Variants in CAMK1D observed in about 807,000 individuals in gnomAD.
CAMK1D encodes the protein calcium/calmodulin dependent protein kinase ID, also known as calcium/calmodulin-dependent protein kinase type 1D.
Under a neutral mutation model 47.7 loss-of-function variants are expected in CAMK1D, and 9 were observed. The observed-to-expected ratio is 0.19, with a 90% CI of 0.11 to 0.33. The LOEUF (loss-of-function observed/expected upper bound fraction) is 0.33. Among genes scored for constraint, CAMK1D ranks in the 10% least tolerant of loss-of-function variants. The pLI is 1.00. For synonymous variants in CAMK1D, 184 were observed against 184.9 expected (o/e 0.99, Z 0.04); for missense variants, 291 against 488.7 (o/e 0.60, Z 3.81).
At chr10:12,560,207 G>T (rs79198238) in intron 2 of CAMK1D, among the ~76,000 whole-genome samples, 1 of 152,060 alleles carries the variant, frequency 6.6e-6, no homozygotes, top group African/African-American at 2.4e-5. Flanking sequence ...TTAAACCACT[G>T]CCAAGTGCCA....
At chr10:12,379,907 G>C (rs991747582) in intron 1 of CAMK1D, among the ~76,000 whole-genome samples, 8 of 151,898 alleles carry the variant, frequency 5.3e-5, no homozygotes, top group Non-Finnish European at 1.2e-4. Context: ...TCTTTTGGGA[G>C]GACTTTTAAA....
intron 1 of CAMK1D, among the ~76,000 whole-genome samples, chr10:12,523,405 G>T (rs1280576870): frequency 6.6e-6 from 1 of 152,208 alleles, no homozygotes; most frequent in African/African-American, 2.4e-5. Flanking sequence ...GCTGGGAGGT[G>T]GAGGTTGTAG....
chr10:12,786,016 T>A (rs1163217539), intron 5 of CAMK1D, among the ~76,000 whole-genome samples: 2 of 152,194 alleles, frequency 1.3e-5, no homozygotes, highest in Non-Finnish European at 2.9e-5. Context: ...TGCCTGAGAA[T>A]GTTATATTTT....
chr10:12,427,130 A>G (rs1489294567), intron 1 of CAMK1D, among the ~76,000 whole-genome samples: 1 of 152,174 alleles, frequency 6.6e-6, no homozygotes, highest in Non-Finnish European at 1.5e-5. Flanking sequence ...CATGCTGTAG[A>G]TGTTTCTCAG....
intron 1 of CAMK1D, among the ~76,000 whole-genome samples, chr10:12,494,577 T>G (rs1834480245): frequency 6.6e-6 from 1 of 150,416 alleles, no homozygotes; most frequent in Admixed American, 6.7e-5. Context: ...CTTTTTTCAG[T>G]TTTTCGAGAC....
chr10:12,688,500 T>C (rs1156254432), intron 3 of CAMK1D, among the ~76,000 whole-genome samples: 5 of 152,136 alleles, frequency 3.3e-5, no homozygotes, highest in African/African-American at 1.2e-4. Context: ...GGGGCCTTAA[T>C]TTTACCAGTT....
chr10:12,784,034 G>A (rs3802560), intron 5 of CAMK1D, among the ~76,000 whole-genome samples: 34,836 of 151,934 alleles, frequency 0.23, 4,164 homozygotes, highest in East Asian at 0.46. Flanking sequence ...GTGTAAACTT[G>A]ATAAGCCGAT....
chr10:12,375,662 C>A (rs958544326), intron 1 of CAMK1D, among the ~76,000 whole-genome samples: 51 of 152,160 alleles, frequency 3.4e-4, no homozygotes, highest in Admixed American at 2.0e-4. Context: ...TTGGGTATCC[C>A]GATTGCCTGT....
chr10:12,776,256 A>T (rs1168946359), intron 5 of CAMK1D, among the ~76,000 whole-genome samples: 2 of 152,256 alleles, frequency 1.3e-5, no homozygotes, highest in African/African-American at 4.8e-5. Context: ...GAAGGCAAGG[A>T]TAATTCAAAG....
At chr10:12,435,871 T>A (rs997660179) in intron 1 of CAMK1D, among the ~76,000 whole-genome samples, 4 of 152,318 alleles carry the variant, frequency 2.6e-5, no homozygotes, top group African/African-American at 9.6e-5. Context: ...GCTAAATGCA[T>A]GAGTGGGTCC....
chr10:12,380,719 G>A (rs1378247438), intron 1 of CAMK1D, among the ~76,000 whole-genome samples: 1 of 152,142 alleles, frequency 6.6e-6, no homozygotes, highest in African/African-American at 2.4e-5. Flanking sequence ...AGCCAGGCAT[G>A]GGGTCACGTG....
chr10:12,447,489 G>T (rs2132025228), intron 1 of CAMK1D, among the ~76,000 whole-genome samples: 1 of 152,254 alleles, frequency 6.6e-6, no homozygotes, highest in East Asian at 1.9e-4. Context: ...ATTGCTTGAG[G>T]CCAAGAGTTT....
intron 3 of CAMK1D, among the ~76,000 whole-genome samples, chr10:12,714,206 C>T (rs987235461): frequency 6.6e-6 from 1 of 152,072 alleles, no homozygotes; most frequent in Non-Finnish European, 1.5e-5. Context: ...CTGACCGACC[C>T]CACCGTCACC....
At chr10:12,731,587 G>A (rs1257538108) in intron 3 of CAMK1D, among the ~76,000 whole-genome samples, 2 of 152,226 alleles carry the variant, frequency 1.3e-5, no homozygotes, top group Admixed American at 1.3e-4. Context: ...CAGAGCCATG[G>A]CTTTGCCAAG....
chr10:12,523,453 C>T (rs1310422389), intron 1 of CAMK1D, among the ~76,000 whole-genome samples: 1 of 152,228 alleles, frequency 6.6e-6, no homozygotes, highest in East Asian at 1.9e-4. Context: ...AGCCTGGGCA[C>T]CATTGAGCAC....
chr10:12,764,330 G>A (rs142721538), intron 4 of CAMK1D, among the ~76,000 whole-genome samples: 4 of 124,242 alleles, frequency 3.2e-5, no homozygotes, highest in African/African-American at 6.1e-5. Context: ...GCAGTGAGCC[G>A]AGATCGCACC....
chr10:12,436,593 G>A (rs1176580434), intron 1 of CAMK1D, among the ~76,000 whole-genome samples: 1 of 152,192 alleles, frequency 6.6e-6, no homozygotes, highest in Non-Finnish European at 1.5e-5. Context: ...TACCTGGTGG[G>A]AAGCCTGACA....
intron 6 of CAMK1D, among the ~76,000 whole-genome samples, chr10:12,797,553 C>G (rs1416260889): frequency 6.6e-6 from 1 of 152,054 alleles, no homozygotes; most frequent in Non-Finnish European, 1.5e-5. Flanking sequence ...GCTTTAAAGA[C>G]CAGCCACCAG....
At chr10:12,583,319 G>A (rs533979359) in intron 2 of CAMK1D, among the ~76,000 whole-genome samples, 2 of 152,226 alleles carry the variant, frequency 1.3e-5, no homozygotes, top group South Asian at 2.1e-4. Flanking sequence ...AGTGTGTGAC[G>A]TAAAAGAAAT....
Sources: gnomAD v4.1 joint callset for allele counts (sites outside exome capture counted in the v4.1 genomes callset) on GRCh38, gnomAD v4.1.1 for gene constraint, MANE v1.5 for transcripts, NCBI Gene and HGNC (gene_info 2026-07-23, HGNC 2026-07-21) for gene names.